NBAS: variants seen among roughly 807,000 people sequenced by gnomAD.
NBAS encodes the protein NBAS subunit of NRZ tethering complex, also known as NAG/BC035112 fusion.
In NBAS, 219 loss-of-function variants were observed where a neutral mutation model predicts 302.5. The observed-to-expected ratio is 0.72, with a 90% CI of 0.65 to 0.81. NBAS has a LOEUF of 0.81. Ranked by LOEUF, NBAS falls within the 30% of genes least tolerant of loss-of-function variation. NBAS has a pLI of 0.00. For synonymous variants in NBAS, 1,118 were observed against 1,021.6 expected (o/e 1.09, Z -1.80); for missense variants, 2,932 against 2,841.6 (o/e 1.03, Z -0.72).
chr2:14,944,962 C>T, the NBAS span, among the ~76,000 whole-genome samples: 28 of 152,218 alleles, frequency 1.8e-4, 1 homozygote, highest in African/African-American at 6.5e-4. Flanking sequence ...ATCATGAGTG[C>T]CTGAAGGGAA....
the NBAS span, among the ~76,000 whole-genome samples, chr2:14,887,399 C>CAAAAAA: frequency 1.2e-5 from 1 of 84,624 alleles, no homozygotes; most frequent in Non-Finnish European, 2.5e-5. Flanking sequence ...TGAGACTCCT[C>CAAAAAA]AAAAAAAAAA....
At chr2:15,159,312 G>C in the NBAS span, among the ~76,000 whole-genome samples, 1 of 152,182 alleles carries the variant, frequency 6.6e-6, no homozygotes, top group East Asian at 1.9e-4. Flanking sequence ...TTACCCCTGG[G>C]AGAGCTTGTC....
At chr2:15,404,515 T>G (rs1396401417) in intron 25 of NBAS, among the ~76,000 whole-genome samples, 4 of 152,056 alleles carry the variant, frequency 2.6e-5, no homozygotes, top group South Asian at 2.1e-4. Context: ...TTTTTTAATT[T>G]TTTTTTTTTT....
intron 21 of NBAS, among the ~76,000 whole-genome samples, chr2:15,435,587 C>G (rs1341638407): frequency 1.3e-5 from 2 of 152,186 alleles, no homozygotes; most frequent in African/African-American, 2.4e-5. Flanking sequence ...TAAGTTGCAG[C>G]TGGAATTTGA....
chr2:15,060,274 C>T, the NBAS span, among the ~76,000 whole-genome samples: 1 of 152,140 alleles, frequency 6.6e-6, no homozygotes, highest in African/African-American at 2.4e-5. Flanking sequence ...GGAGCACATT[C>T]CCCGCTTGGC....
chr2:15,474,267 C>A lies in NBAS; in HGVS notation c.1399G>T (p.Asp467Tyr), dbSNP rs1426790844. The change falls in exon 15 of 52, where the codon GAT becomes TAT. Residue 467 changes from aspartate to tyrosine, a missense_variant. Coordinates refer to ENST00000281513, the MANE Select transcript of NBAS (RefSeq NM_015909.4). Reference protein sequence around the residue: ...SRLETRAGEEDEGEEDSDSDY... With the variant: ...SRLETRAGEEYEGEEDSDSDY... ...GAATCAGAATCCTCTTCTCCTTCAT[C>A]TTCTTCTCCAGCTCTAGTCTCCAAA... 3.1e-6 allele frequency: 5 copies of A among 1,613,856 alleles called. No homozygotes were observed. In the African/African-American group the frequency reaches 6.7e-5, roughly 22 times the overall value.
chr2:14,831,148 C>A, the NBAS span, among the ~76,000 whole-genome samples: 7 of 152,058 alleles, frequency 4.6e-5, no homozygotes, highest in African/African-American at 1.7e-4. Flanking sequence ...ATTGGTGAGT[C>A]GTTTCTGTTT....
the NBAS span, among the ~76,000 whole-genome samples, chr2:15,106,449 C>T: frequency 2.6e-3 from 178 of 67,560 alleles, 1 homozygote; most frequent in Admixed American, 0.011. Context: ...ATCTCTGTCT[C>T]TGTCTCTCTC....
At chr2:14,941,391 A>C in the NBAS span, among the ~76,000 whole-genome samples, 1 of 152,232 alleles carries the variant, frequency 6.6e-6, no homozygotes, top group African/African-American at 2.4e-5. Flanking sequence ...TGAAAGCTTC[A>C]AAAAGCATTT....
At chr2:15,559,377 TAC>T (rs1239768577) in intron 1 of NBAS, among the ~76,000 whole-genome samples, 1 of 152,166 alleles carries the variant, frequency 6.6e-6, no homozygotes, top group Admixed American at 6.5e-5. Context: ...TAACAAAACA[TAC>T]ACAGATACGT....
chr2:15,271,972 T>C (rs949847848), intron 44 of NBAS, among the ~76,000 whole-genome samples: 2 of 152,230 alleles, frequency 1.3e-5, no homozygotes, highest in South Asian at 4.1e-4. Flanking sequence ...ATTTGCTTCC[T>C]TTTTCCTTCT....
At chr2:14,886,565 C>A in the NBAS span, 1 of 152,160 alleles carries the variant, frequency 6.6e-6, no homozygotes, top group Non-Finnish European at 1.5e-5. Flanking sequence ...CTAGTATAGG[C>A]CTTATAGCCC....
intron 47 of NBAS, among the ~76,000 whole-genome samples, chr2:15,223,025 G>C (rs561784272): frequency 6.6e-6 from 1 of 152,322 alleles, no homozygotes; most frequent in Admixed American, 6.5e-5. Flanking sequence ...GAAGCATTGT[G>C]TTCTGGAAGC....
At chr2:15,271,848 T>TA (rs1228872213) in intron 44 of NBAS, among the ~76,000 whole-genome samples, 6 of 152,140 alleles carry the variant, frequency 3.9e-5, no homozygotes, top group Non-Finnish European at 7.4e-5. Flanking sequence ...GTCCCTTCTA[T>TA]AAAAATGCTT....
chr2:15,334,948 C>T (rs1004938347), intron 35 of NBAS, among the ~76,000 whole-genome samples: 2 of 152,202 alleles, frequency 1.3e-5, no homozygotes, highest in Non-Finnish European at 2.9e-5. Flanking sequence ...CTTGCAGCAG[C>T]ATAAATTAAT....
the NBAS span, among the ~76,000 whole-genome samples, chr2:14,952,986 G>A: frequency 1.3e-5 from 2 of 152,216 alleles, no homozygotes; most frequent in Non-Finnish European, 2.9e-5. Flanking sequence ...GATGAAGGTA[G>A]ATGGAGAGGT....
the NBAS span, among the ~76,000 whole-genome samples, chr2:15,121,448 C>G: frequency 1.3e-5 from 2 of 152,076 alleles, no homozygotes; most frequent in East Asian, 3.9e-4. Context: ...AGACCAAAAA[C>G]TCAGAGGAAT....
At chr2:14,956,466 C>T in the NBAS span, among the ~76,000 whole-genome samples, 208 of 152,304 alleles carry the variant, frequency 1.4e-3, 2 homozygotes, top group African/African-American at 4.2e-3. Context: ...TAGAACCCCA[C>T]GCTCTGTAGT....
Position 15,456,805 on chromosome 2 carries a change from A to G in NBAS, c.2339+4396T>C, listed in dbSNP as rs771712853. On this transcript the variant is annotated intron_variant, in intron 21 of 51. Transcript: ENST00000281513. ...GAAGAAAATAAAGCAGAGAAGGAAG[A>G]TTTAAAATGAGAGTAGAATTTTAAA... Among the ~76,000 whole-genome samples the G allele has an allele frequency of 2.0e-5, 3 of 152,248 alleles. 1 individual carries two copies. Among genetic ancestry groups the G allele is most frequent in the African/African-American group, 4.8e-5 (2 of 41,476 alleles).
Sources: allele counts gnomAD v4.1 joint callset (sites outside exome capture counted in the v4.1 genomes callset), GRCh38; gene constraint gnomAD v4.1.1; transcripts MANE v1.5; gene names NCBI Gene and HGNC (gene_info 2026-07-23, HGNC 2026-07-21).